Variants in SLC10A7 observed in about 807,000 individuals in gnomAD.
SLC10A7 encodes the protein sodium/bile acid cotransporter 7.
A neutral mutation model predicts 43.2 loss-of-function variants in SLC10A7; 29 were observed. The observed-to-expected ratio is 0.67, with a 90% CI of 0.50 to 0.92. SLC10A7 has a LOEUF of 0.92. Among genes scored for constraint, SLC10A7 ranks in the 40% least tolerant of loss-of-function variants. The pLI, the probability that SLC10A7 is intolerant of heterozygous loss-of-function variation, is 0.00. For missense variants in SLC10A7, 295 were observed against 403.2 expected (o/e 0.73, Z 2.30); for synonymous variants, 152 against 144.8 (o/e 1.05, Z -0.35).
chr4:146,307,678 T>C (rs945998121), intron 6 of SLC10A7, among the ~76,000 whole-genome samples: 1 of 152,160 alleles, frequency 6.6e-6, no homozygotes, highest in African/African-American at 2.4e-5. Context: ...TCTAGCTCAA[T>C]GCTCTATTCA....
chr4:146,398,964 G>A (rs984004006), intron 5 of SLC10A7, among the ~76,000 whole-genome samples: 1 of 152,234 alleles, frequency 6.6e-6, no homozygotes, highest in African/African-American at 2.4e-5. Context: ...ACTCTCTAGT[G>A]GAGATTGACA....
chr4:146,325,841 A>G (rs1733065400), intron 6 of SLC10A7, 120 bp downstream of exon 6: 2 of 889,546 alleles, frequency 2.2e-6, no homozygotes, highest in Non-Finnish European at 3.6e-6. Context: ...CTAAACTGGA[A>G]CAACAATTCC....
In SLC10A7 at chr4:146,258,788, TAAAG is replaced by T. The variant is rs767250792; in HGVS notation, c.893_896del (p.Ser298Ter). ...GGTAGATGAGCAAGGGTACAGATAT[TAAAG>T]AGAGATGCTCATGGCCTGCAAACAC... On this transcript the variant is annotated frameshift_variant, in exon 11 of 12. Coordinates refer to ENST00000335472, the MANE Select transcript of SLC10A7 (RefSeq NM_001029998.6). LOFTEE classifies it high-confidence loss of function. 2.2e-5 allele frequency: 36 copies of T among 1,610,422 alleles called. No homozygotes were observed. Among genetic ancestry groups the T allele is most frequent in the Non-Finnish European group, 2.8e-5 (33 of 1,179,244 alleles).
chr4:146,438,414 C>T (rs56305627), intron 5 of SLC10A7, among the ~76,000 whole-genome samples: 30,654 of 151,928 alleles, frequency 0.2, 3,154 homozygotes, highest in Middle Eastern at 0.23. Context: ...GTGACTCGTA[C>T]AGATCTTTTT....
At chr4:146,347,782 G>C (rs1578947152) in intron 5 of SLC10A7, among the ~76,000 whole-genome samples, 1 of 152,160 alleles carries the variant, frequency 6.6e-6, no homozygotes, top group Non-Finnish European at 1.5e-5. Flanking sequence ...AGCTACAGCA[G>C]TAGCCAGTGT....
chr4:146,454,060 C>T (rs939284294), intron 4 of SLC10A7, among the ~76,000 whole-genome samples: 1 of 151,732 alleles, frequency 6.6e-6, no homozygotes, highest in African/African-American at 2.4e-5. Flanking sequence ...TTTTTAAGAG[C>T]TTAAAAGAAT....
At chr4:146,403,349 C>T (rs953436274) in intron 5 of SLC10A7, among the ~76,000 whole-genome samples, 6 of 152,162 alleles carry the variant, frequency 3.9e-5, no homozygotes, top group African/African-American at 1.4e-4. Context: ...TACTCCATAA[C>T]CACCTATAGC....
Position 146,440,961 on chromosome 4 carries a change from C to T in SLC10A7, c.435+1822G>A, listed in dbSNP as rs150269852. On this transcript the variant is annotated intron_variant, in intron 5 of 11. Coordinates refer to ENST00000335472, the MANE Select transcript of SLC10A7 (RefSeq NM_001029998.6). ...AATTTAGAGTGCATATTGTCTGTGC[C>T]ATTTATTTGACAATCATATATCTCT... Among the ~76,000 whole-genome samples the T allele has an allele frequency of 4.7e-3, 714 of 152,220 alleles. 7 individuals are homozygous for T. Among genetic ancestry groups the T allele is most frequent in the Admixed American group, 0.01 (160 of 15,276 alleles).
intron 5 of SLC10A7, among the ~76,000 whole-genome samples, chr4:146,429,595 C>A (rs922007793): frequency 1.3e-5 from 2 of 150,634 alleles, no homozygotes; most frequent in Non-Finnish European, 2.9e-5. Flanking sequence ...AGAAAAATAG[C>A]AGGCTAACAA....
At chr4:146,515,476 T>C (rs113248951) in intron 2 of SLC10A7, among the ~76,000 whole-genome samples, 3 of 152,340 alleles carry the variant, frequency 2.0e-5, no homozygotes, top group African/African-American at 7.2e-5. Context: ...TTTACCAAAA[T>C]TGGAATTTGA....
intron 4 of SLC10A7, among the ~76,000 whole-genome samples, chr4:146,466,553 C>A (rs1733056138): frequency 6.6e-6 from 1 of 152,114 alleles, no homozygotes; most frequent in South Asian, 2.1e-4. Context: ...GGACAGGGGA[C>A]AAAATCTGTT....
At chr4:146,400,272 C>T (rs146671447) in intron 5 of SLC10A7, among the ~76,000 whole-genome samples, 3 of 152,152 alleles carry the variant, frequency 2.0e-5, no homozygotes, top group Non-Finnish European at 4.4e-5. Flanking sequence ...AAGGGTAGAG[C>T]CTAAAGGCTG....
At chr4:146,383,266 A>G (rs1737760272) in intron 5 of SLC10A7, among the ~76,000 whole-genome samples, 1 of 152,126 alleles carries the variant, frequency 6.6e-6, no homozygotes, top group African/African-American at 2.4e-5. Context: ...TCAACTCCCT[A>G]TGAGACAGTG....
Position 146,255,038 on chromosome 4 carries a change from A to AT in SLC10A7, c.*1452dup, listed in dbSNP as rs1265689985. 1 of 152,246 alleles carries AT rather than the reference A, an allele frequency of 6.6e-6. No individual in the cohort carries two copies. The highest frequency in any genetic ancestry group is 6.5e-5 in the Admixed American group (1 of 15,276). 9.4% of individuals were successfully genotyped at this position (152,246 alleles called of 1,614,324 possible). On this transcript the variant is annotated 3_prime_UTR_variant, in exon 12 of 12. Coordinates refer to ENST00000335472, the MANE Select transcript of SLC10A7 (RefSeq NM_001029998.6). The stretch of plus-strand genomic sequence containing the variant: ...AAACTTGGTGAGTTTCTAAGGAATG[A>AT]TTTTTTGTTGTGGGCATAATAACGA...
At chr4:146,492,792 GCAAA>G (rs1735574520) in intron 4 of SLC10A7, among the ~76,000 whole-genome samples, 1 of 152,040 alleles carries the variant, frequency 6.6e-6, no homozygotes, top group African/African-American at 2.4e-5. Flanking sequence ...TCACCAAGAA[GCAAA>G]CAGTTTAAAG....
rs543449777 is a variant in SLC10A7, at chr4:146,411,865, C to T, written c.435+30918G>A. On this transcript the variant is annotated intron_variant, in intron 5 of 11. Transcript: ENST00000335472. ...GGAATAAAACTTACATAATGAAGCT[C>T]GTTTTGCTTGTCAAGTGCAGATGAA... Among the ~76,000 whole-genome samples, 7 of 152,116 alleles carry T rather than the reference C, an allele frequency of 4.6e-5. No homozygotes were observed. The South Asian group carries it at 1.2e-3, about 27-fold the overall frequency.
At chr4:146,421,745 C>T (rs896170588) in intron 5 of SLC10A7, among the ~76,000 whole-genome samples, 1 of 152,188 alleles carries the variant, frequency 6.6e-6, no homozygotes, top group South Asian at 2.1e-4. Context: ...AGAGATATAA[C>T]AGTGAGCATA....
At chr4:146,483,574 A>C (rs971314158) in intron 4 of SLC10A7, among the ~76,000 whole-genome samples, 3 of 152,178 alleles carry the variant, frequency 2.0e-5, no homozygotes, top group Admixed American at 6.5e-5. Flanking sequence ...AGAACAAAAC[A>C]ACCAGAAAAC....
At chr4:146,512,036 C>T (rs1020151235) in intron 2 of SLC10A7, among the ~76,000 whole-genome samples, 4 of 122,050 alleles carry the variant, frequency 3.3e-5, no homozygotes, top group South Asian at 2.6e-4. Context: ...TGCGATGGTG[C>T]GATCTCGGCT....
Sources: allele counts gnomAD v4.1 joint callset (sites outside exome capture counted in the v4.1 genomes callset), GRCh38; gene constraint gnomAD v4.1.1; transcripts MANE v1.5; gene names NCBI Gene and HGNC (gene_info 2026-07-23, HGNC 2026-07-21).